ARMH3: variants seen among roughly 807,000 people sequenced by gnomAD.
ARMH3 encodes the protein armadillo-like helical domain-containing protein 3.
ARMH3 carries 60 observed loss-of-function variants against 99.1 expected under a neutral mutation model. That is an observed-to-expected ratio of 0.61 (90% CI 0.49 to 0.75). The LOEUF (loss-of-function observed/expected upper bound fraction) is 0.75, where lower values mean the gene tolerates loss of function less well. Ranked by LOEUF, ARMH3 falls within the 30% of genes least tolerant of loss-of-function variation. The pLI, the probability that ARMH3 is intolerant of heterozygous loss-of-function variation, is 0.00. For synonymous variants in ARMH3, 285 were observed against 292.8 expected, an observed-to-expected ratio of 0.97 and a Z score of 0.27; for missense variants, 679 against 843.1, an observed-to-expected ratio of 0.81 and a Z score of 2.41.
intron 22 of ARMH3, among the ~76,000 whole-genome samples, chr10:101,953,051 T>C (rs1844864611): frequency 6.6e-6 from 1 of 152,260 alleles, no homozygotes; most frequent in African/African-American, 2.4e-5. Context: ...TGTTTATCTA[T>C]TCATCTGTCA....
intron 23 of ARMH3, among the ~76,000 whole-genome samples, chr10:101,931,712 G>A (rs1843730376): frequency 6.6e-6 from 1 of 152,096 alleles, no homozygotes; most frequent in East Asian, 1.9e-4. Context: ...GAGCCCAGGA[G>A]TTCAAGATTA....
intron 24 of ARMH3, among the ~76,000 whole-genome samples, chr10:101,877,781 GAC>G: frequency 6.6e-6 from 1 of 152,126 alleles, no homozygotes. Flanking sequence ...AAGTTTATAT[GAC>G]AGTCATTTCA....
Position 101,889,320 on chromosome 10 carries a change from A to G in ARMH3, c.1860+92T>C, listed in dbSNP as rs2135441857. 2.3e-6 allele frequency: 3 copies of G among 1,277,206 alleles called. No homozygotes were observed. In the South Asian group the frequency reaches 3.6e-5, roughly 15 times the overall value. The allele number at this position is 1,277,206 out of a possible 1,614,324, so 79.1% of individuals were successfully genotyped here. On this transcript the variant is annotated intron_variant, in intron 24 of 25. Transcript: ENST00000370033. Reference sequence around the variant, plus strand: ...GCCTGGCCCTGGTCACTACCACAAAAGCTCAGTCACAGAATCCCCCTGCCA... The same window carrying G: ...GCCTGGCCCTGGTCACTACCACAAAGGCTCAGTCACAGAATCCCCCTGCCA...
intron 22 of ARMH3, among the ~76,000 whole-genome samples, chr10:101,942,340 T>C (rs376871796): frequency 1.1e-4 from 16 of 152,334 alleles, no homozygotes; most frequent in African/African-American, 3.8e-4. Context: ...TGGGTTAATA[T>C]ACAACAGTGA....
intron 8 of ARMH3, among the ~76,000 whole-genome samples, chr10:102,020,265 T>C (rs1364676506): frequency 1.3e-5 from 2 of 151,038 alleles, no homozygotes; most frequent in South Asian, 4.2e-4. Context: ...CCAGGCACGG[T>C]AGCTCACACC....
At position 101,857,484 on chromosome 10, in the gene ARMH3, A is replaced by G. The variant is rs115814977; in HGVS notation, c.1861-7592T>C. ...CTGAGCATACCTTAGGCCTTCAACA[A>G]TGGTCACTGGCAAATGGACTGCTAG... On this transcript the variant is annotated intron_variant, in intron 24 of 25. Coordinates refer to ENST00000370033, the MANE Select transcript of ARMH3 (RefSeq NM_024541.3). 9.4e-3 allele frequency among the ~76,000 whole-genome samples: 1,425 copies of G among 152,276 alleles called. 19 individuals are homozygous for G. The highest frequency in any genetic ancestry group is 0.033 in the African/African-American group (1,352 of 41,562).
chr10:102,009,024 T>A (rs948382082), intron 13 of ARMH3, among the ~76,000 whole-genome samples: 4 of 152,218 alleles, frequency 2.6e-5, no homozygotes, highest in African/African-American at 9.6e-5. Flanking sequence ...CAGTTGTAAT[T>A]CCACAGTGGT....
At chr10:101,912,948 A>T (rs1842928012) in intron 23 of ARMH3, 1 of 152,174 alleles carries the variant, frequency 6.6e-6, no homozygotes, top group Non-Finnish European at 1.5e-5. Context: ...CATATTATCT[A>T]TAAAAGGATA....
intron 22 of ARMH3, among the ~76,000 whole-genome samples, chr10:101,945,729 A>C (rs777814778): frequency 2.0e-5 from 3 of 149,280 alleles, no homozygotes; most frequent in Non-Finnish European, 3.0e-5. Context: ...TCAAAAAAGA[A>C]AAAAAAAAAT....
intron 20 of ARMH3, among the ~76,000 whole-genome samples, 163 bp downstream of exon 20, chr10:101,975,049 T>TAAAAAAAAAAAAA (rs11399489): frequency 3.7e-4 from 11 of 29,662 alleles, no homozygotes; most frequent in African/African-American, 5.5e-4. Context: ...AGCTAAAACG[T>TAAAAAAAAAAAAA]AAAAAAAAAA....
At chr10:101,989,858 T>C (rs1241612824) in intron 19 of ARMH3, among the ~76,000 whole-genome samples, 4 of 152,342 alleles carry the variant, frequency 2.6e-5, no homozygotes, top group Non-Finnish European at 5.9e-5. Flanking sequence ...CAGGACAATG[T>C]AGGCTAAGAA....
chr10:101,877,190 C>CT (rs1292780126), intron 24 of ARMH3, among the ~76,000 whole-genome samples: 1 of 152,136 alleles, frequency 6.6e-6, no homozygotes, highest in Non-Finnish European at 1.5e-5. Context: ...GTAGTCCCAG[C>CT]TGCTCGAGAG....
At chr10:102,054,203 A>C (rs1003797460) in intron 1 of ARMH3, among the ~76,000 whole-genome samples, 1 of 152,014 alleles carries the variant, frequency 6.6e-6, no homozygotes, top group African/African-American at 2.4e-5. Flanking sequence ...AGCCTGGCCA[A>C]TATGGTGAAA....
intron 4 of ARMH3, 114 bp from the exon 5 acceptor site, chr10:102,029,859 T>C (rs2067085812): frequency 1.9e-6 from 2 of 1,070,930 alleles, no homozygotes; most frequent in Non-Finnish European, 1.3e-6. Context: ...TTTCTCTGAG[T>C]TCTGAGCTCC....
chr10:102,021,696 C>T (rs1342770676), intron 8 of ARMH3, among the ~76,000 whole-genome samples: 5 of 151,952 alleles, frequency 3.3e-5, no homozygotes, highest in African/African-American at 1.2e-4. Flanking sequence ...TACAGGTGCC[C>T]GCCACTACGC....
chr10:101,861,910 C>T (rs1285019754), intron 24 of ARMH3, among the ~76,000 whole-genome samples: 2 of 145,046 alleles, frequency 1.4e-5, no homozygotes, highest in Admixed American at 1.4e-4. Context: ...ATTAGCCAGG[C>T]GTGGTGGTGG....
chr10:101,915,800 CTT>C (rs781162716), intron 23 of ARMH3, among the ~76,000 whole-genome samples: 7 of 130,852 alleles, frequency 5.3e-5, no homozygotes, highest in African/African-American at 8.5e-5. Flanking sequence ...ATTGCAAGTC[CTT>C]TTTTTTTTTT....
intron 22 of ARMH3, among the ~76,000 whole-genome samples, chr10:101,955,895 T>G (rs72844678): frequency 0.023 from 3,493 of 152,318 alleles, 62 homozygotes; most frequent in Middle Eastern, 0.041. Context: ...AATTAAAATG[T>G]GTGCAGTTTA....
At position 102,010,146 on chromosome 10, in the gene ARMH3, T is replaced by C. The variant is rs932782293; in HGVS notation, c.832-123A>G. 16 of 811,658 alleles carry C rather than the reference T, an allele frequency of 2.0e-5. 1 individual carries two copies. In the Admixed American group the frequency reaches 3.6e-4, roughly 18 times the overall value. The allele number at this position is 811,658 out of a possible 1,614,324, so 50.3% of individuals were successfully genotyped here. A position where few individuals can be genotyped will look rare whatever the true frequency, so the allele number is the denominator to read the frequency against. The stretch of plus-strand genomic sequence containing the variant: ...TCCACCTGGGGAGAACTTGGAACTC[T>C]AGGCCATAAGTCACACACACCAAAA... On this transcript the variant is annotated intron_variant, in intron 11 of 25. Transcript: ENST00000370033.
Sources: gnomAD v4.1 joint callset for allele counts (sites outside exome capture counted in the v4.1 genomes callset) on GRCh38, gnomAD v4.1.1 for gene constraint, MANE v1.5 for transcripts, NCBI Gene and HGNC (gene_info 2026-07-23, HGNC 2026-07-21) for gene names.